Variants in KDM4C observed in about 807,000 individuals in gnomAD.
KDM4C encodes the protein lysine demethylase 4C.
In KDM4C, 81 loss-of-function variants were observed where a neutral mutation model predicts 129.3. That is an observed-to-expected ratio of 0.63 (90% confidence interval 0.52 to 0.75). The LOEUF (loss-of-function observed/expected upper bound fraction) is 0.75, where lower values mean the gene tolerates loss of function less well. Among genes scored for constraint, KDM4C ranks in the 30% least tolerant of loss-of-function variants. The pLI is 0.00. For missense variants in KDM4C, 1,457 were observed against 1,304.0 expected, an observed-to-expected ratio of 1.12 and a Z score of -1.81; for synonymous variants, 573 against 456.1, an observed-to-expected ratio of 1.26 and a Z score of -3.26.
Position 7,065,491 on chromosome 9 carries a change from G to C in KDM4C, c.2424+16291G>C, listed in dbSNP as rs555496111. Among the ~76,000 whole-genome samples the C allele has an allele frequency of 5.9e-5, 9 of 151,938 alleles. No homozygotes were observed. In the East Asian group the frequency reaches 1.4e-3, roughly 23 times the overall value. On this transcript the variant is annotated intron_variant, in intron 17 of 21. Coordinates refer to ENST00000381309, the MANE Select transcript of KDM4C (RefSeq NM_015061.6). ...TAAACATTTATTTGCTTTGGACAAAGCAAAAAAGTATGGTCATGAAATATT... is the reference window on the plus strand; with the variant it reads ...TAAACATTTATTTGCTTTGGACAAACCAAAAAAGTATGGTCATGAAATATT...
intron 8 of KDM4C, among the ~76,000 whole-genome samples, chr9:6,965,324 A>G (rs2131637503): frequency 6.6e-6 from 1 of 151,712 alleles, no homozygotes; most frequent in African/African-American, 2.4e-5. Flanking sequence ...TATTAGGTAT[A>G]TTTATGACTA....
chr9:6,873,077 C>A (rs1208920402), intron 5 of KDM4C, among the ~76,000 whole-genome samples: 1 of 152,096 alleles, frequency 6.6e-6, no homozygotes, highest in Non-Finnish European at 1.5e-5. Flanking sequence ...CAGGCGCGCA[C>A]CACTCCACCT....
chr9:7,060,524 C>G (rs1362591489), intron 17 of KDM4C, among the ~76,000 whole-genome samples: 1 of 150,672 alleles, frequency 6.6e-6, no homozygotes, highest in South Asian at 2.1e-4. Context: ...GGTCTGTCAC[C>G]AGGCTGGAGT....
At chr9:7,018,239 G>T (rs571789235) in intron 15 of KDM4C, among the ~76,000 whole-genome samples, 26 of 152,044 alleles carry the variant, frequency 1.7e-4, no homozygotes, top group East Asian at 1.9e-4. Context: ...TAACACAATG[G>T]TAAGTGTTCG....
chr9:6,925,117 C>T (rs745982445), intron 8 of KDM4C: 85 of 985,274 alleles, frequency 8.6e-5, no homozygotes, highest in Non-Finnish European at 9.6e-5. Flanking sequence ...CATTTTTCCT[C>T]TTTGAACTCT....
intron 3 of KDM4C, among the ~76,000 whole-genome samples, chr9:6,810,934 A>T (rs889913152): frequency 2.0e-5 from 3 of 152,196 alleles, no homozygotes; most frequent in Non-Finnish European, 4.4e-5. Context: ...TAGTTTCATT[A>T]TAATTGTTGT....
intron 4 of KDM4C, among the ~76,000 whole-genome samples, chr9:6,836,614 A>C (rs897369504): frequency 6.6e-6 from 1 of 152,130 alleles, no homozygotes; most frequent in Non-Finnish European, 1.5e-5. Context: ...CTTGTAAAAA[A>C]TAGTTTTCTC....
chr9:6,865,305 G>A lies in KDM4C; in HGVS notation c.630-14707G>A, dbSNP rs11791094. Among the ~76,000 whole-genome samples the A allele has an allele frequency of 6.4e-3, 980 of 152,222 alleles. 12 individuals are homozygous for A. Among genetic ancestry groups the A allele is most frequent in the African/African-American group, 0.022 (915 of 41,538 alleles). On this transcript the variant is annotated intron_variant, in intron 5 of 21. Transcript: ENST00000381309. Reference sequence around the variant, plus strand: ...TTACAAGCGTGAGCCAAAGTGCCCCGTCTTTGTTAAATTTCTTTGATAAAT... The same window carrying A: ...TTACAAGCGTGAGCCAAAGTGCCCCATCTTTGTTAAATTTCTTTGATAAAT...
At chr9:6,923,255 A>T (rs951386439) in intron 8 of KDM4C, among the ~76,000 whole-genome samples, 2 of 151,496 alleles carry the variant, frequency 1.3e-5, no homozygotes, top group African/African-American at 2.4e-5. Context: ...TCTTAAAAAA[A>T]TTCTGCAAAG....
At chr9:6,864,820 A>C (rs1016158886) in intron 5 of KDM4C, among the ~76,000 whole-genome samples, 1 of 148,846 alleles carries the variant, frequency 6.7e-6, no homozygotes, top group Non-Finnish European at 1.5e-5. Flanking sequence ...TTTTTTTTTA[A>C]TTTATTTTTT....
Position 6,932,339 on chromosome 9 carries a change from G to A in KDM4C, c.921+39107G>A, listed in dbSNP as rs1823909076. Among the ~76,000 whole-genome samples the A allele has an allele frequency of 3.3e-5, 5 of 152,242 alleles. No homozygotes were observed. In the South Asian group the frequency reaches 1.0e-3, roughly 32 times the overall value. ...ACAGGGATTATTAGTTTCAATTAGG[G>A]TTTGGATCATATTCTTAGGGCCTTG... On this transcript the variant is annotated intron_variant, in intron 8 of 21. Coordinates refer to ENST00000381309, the MANE Select transcript of KDM4C (RefSeq NM_015061.6).
At chr9:7,033,634 C>T (rs1309767735) in intron 15 of KDM4C, among the ~76,000 whole-genome samples, 1 of 152,186 alleles carries the variant, frequency 6.6e-6, no homozygotes, top group Non-Finnish European at 1.5e-5. Context: ...GTTCTTTCCT[C>T]TTTCTTTTGC....
intron 4 of KDM4C, among the ~76,000 whole-genome samples, chr9:6,845,624 C>T (rs1025923549): frequency 2.0e-5 from 3 of 152,090 alleles, no homozygotes; most frequent in Non-Finnish European, 2.9e-5. Context: ...GTGCAAAAAT[C>T]GTGGTCCAAT....
intron 17 of KDM4C, chr9:7,077,114 C>A: frequency 5.1e-6 from 5 of 985,346 alleles, no homozygotes; most frequent in Non-Finnish European, 6.0e-6. Flanking sequence ...TATATGCTAT[C>A]GAAACAGATG....
intron 4 of KDM4C, among the ~76,000 whole-genome samples, chr9:6,845,938 A>C (rs1386005022): frequency 6.6e-6 from 1 of 152,224 alleles, no homozygotes; most frequent in African/African-American, 2.4e-5. Flanking sequence ...ACAGTTCGGC[A>C]GATTCTAACT....
At chr9:6,770,763 G>A (rs1297534608) in intron 1 of KDM4C, among the ~76,000 whole-genome samples, 1 of 72,928 alleles carries the variant, frequency 1.4e-5, no homozygotes, top group African/African-American at 5.4e-5. Flanking sequence ...TTGCGATTTT[G>A]ATCCTTTTTT....
At chr9:6,979,966 G>C (rs1401165427) in intron 8 of KDM4C, among the ~76,000 whole-genome samples, 1 of 152,130 alleles carries the variant, frequency 6.6e-6, no homozygotes, top group Non-Finnish European at 1.5e-5. Context: ...ATTAGGATGA[G>C]AACTCTGTGG....
intron 1 of KDM4C, among the ~76,000 whole-genome samples, chr9:6,767,685 T>A (rs1472399283): frequency 6.6e-6 from 1 of 152,152 alleles, no homozygotes; most frequent in African/African-American, 2.4e-5. Flanking sequence ...GGTCTTGAAG[T>A]CCTGACCTCA....
At chr9:6,979,870 T>G (rs1464772510) in intron 8 of KDM4C, among the ~76,000 whole-genome samples, 1 of 152,174 alleles carries the variant, frequency 6.6e-6, no homozygotes, top group Non-Finnish European at 1.5e-5. Context: ...TGTAGGAGAA[T>G]AGAAGAACTG....
Sources: allele counts gnomAD v4.1 joint callset (sites outside exome capture counted in the v4.1 genomes callset), GRCh38; gene constraint gnomAD v4.1.1; transcripts MANE v1.5; gene names NCBI Gene and HGNC (gene_info 2026-07-23, HGNC 2026-07-21).